DRAXIN: variants seen among roughly 807,000 people sequenced by gnomAD.
DRAXIN encodes the protein dorsal repulsive axon guidance protein.
In DRAXIN, 27 loss-of-function variants were observed where a neutral mutation model predicts 33.9. The observed-to-expected ratio is 0.80, with a 90% CI of 0.59 to 1.10. The LOEUF (loss-of-function observed/expected upper bound fraction) is 1.10, where lower values mean the gene tolerates loss of function less well. Among genes scored for constraint, DRAXIN ranks in the 50% least tolerant of loss-of-function variants. The probability of loss-of-function intolerance (pLI) is 0.00; values close to 1 mark genes in which losing one functional copy is unlikely to be tolerated. For synonymous variants in DRAXIN, 178 were observed against 194.0 expected, an observed-to-expected ratio of 0.92 and a Z score of 0.69; for missense variants, 371 against 460.8, an observed-to-expected ratio of 0.81 and a Z score of 1.78.
rs181460962 is a variant in DRAXIN, at chr1:11,702,122, T to C, written c.-10-4127T>C. ...TCACACACGCGAGTTCACACACACA[T>C]GCTCACACTCATACGTACACGCCCA... is the stretch of plus-strand genomic sequence containing the variant. On this transcript the variant is annotated intron_variant, in intron 1 of 6. Coordinates refer to ENST00000294485, the MANE Select transcript of DRAXIN (RefSeq NM_198545.4). 8.6e-5 allele frequency among the ~76,000 whole-genome samples: 12 copies of C among 139,034 alleles called. No homozygotes were observed. The East Asian group carries it at 2.2e-3, about 26-fold the overall frequency. 91.2% of individuals were successfully genotyped at this position (139,034 alleles called of 152,430 possible).
chr1:11,690,646 G>A (rs542008105), upstream of DRAXIN, among the ~76,000 whole-genome samples: 7 of 152,270 alleles, frequency 4.6e-5, no homozygotes, highest in South Asian at 1.5e-3. This position sits in a 1 kb window ranked among gnomAD's most constrained non-coding sequence, Gnocchi z 4.2. Flanking sequence ...GCCACCTGGC[G>A]AGCTCAGGGC....
At chr1:11,697,752 G>T (rs1261854408) in intron 1 of DRAXIN, among the ~76,000 whole-genome samples, 1 of 152,178 alleles carries the variant, frequency 6.6e-6, no homozygotes, top group African/African-American at 2.4e-5. Context: ...TCGCAAGGAG[G>T]CAGCAGTCCC....
At chr1:11,707,769 T>G (rs561122012) in intron 2 of DRAXIN, among the ~76,000 whole-genome samples, 14 of 152,154 alleles carry the variant, frequency 9.2e-5, no homozygotes, top group Non-Finnish European at 1.9e-4. Flanking sequence ...GCTAGCCCCC[T>G]GCTGGCCCAG....
chr1:11,708,638 A>G (rs1641427759), intron 2 of DRAXIN, among the ~76,000 whole-genome samples: 1 of 152,158 alleles, frequency 6.6e-6, no homozygotes, highest in South Asian at 2.1e-4. Flanking sequence ...TCCTTGCGTG[A>G]GTCACCTAAC....
In DRAXIN at chr1:11,707,437, C is replaced by T. The variant is rs531818055; in HGVS notation, c.451+728C>T. ...TCCTGCCTCCACCACTAGGGTGTGG[C>T]CCTGGGCAAGTTCTCTTTCTGTGCC... On this transcript the variant is annotated intron_variant, in intron 2 of 6. Transcript: ENST00000294485. Among the ~76,000 whole-genome samples the T allele has an allele frequency of 1.2e-4, 19 of 152,314 alleles. No individual in the cohort carries two copies. In the East Asian group the frequency reaches 3.1e-3, roughly 25 times the overall value.
rs548878383 is a variant in DRAXIN at position 11,706,114 on chromosome 1, C to T, written c.-10-135C>T. Reference sequence around the variant, plus strand: ...AGTTTTGACAACTAAAATATGTCTTCGGGCATTGCCAAATGTCACTGGGAG... The same window carrying T: ...AGTTTTGACAACTAAAATATGTCTTTGGGCATTGCCAAATGTCACTGGGAG... On this transcript the variant is annotated intron_variant, in intron 1 of 6. Transcript: ENST00000294485. The surrounding 1 kb of genome is among the most constrained non-coding windows in gnomAD (Gnocchi z 5.5). The T allele has an allele frequency of 2.1e-5, 18 of 850,556 alleles. No individual in the cohort carries two copies. Among genetic ancestry groups the T allele is most frequent in the African/African-American group, 1.9e-4 (11 of 58,500 alleles). The allele number at this position is 850,556 out of a possible 1,614,324, so 52.7% of individuals were successfully genotyped here.
chr1:11,693,597 C>A (rs1557685210), intron 1 of DRAXIN, among the ~76,000 whole-genome samples: 1 of 152,180 alleles, frequency 6.6e-6, no homozygotes, highest in Non-Finnish European at 1.5e-5. Flanking sequence ...CAACTGGAAC[C>A]TTTCTCTTTA....
chr1:11,709,274 G>C lies in DRAXIN; in HGVS notation c.452-1G>C, dbSNP rs756451929. ...CCCGTGCTCCCCACCCTGTGTCTCA[G>C]GCCGAGCCTTGGTCCGAGGTCCCAG... On this transcript the variant is annotated splice_acceptor_variant, in intron 2 of 6. Transcript: ENST00000294485. LOFTEE classifies it high-confidence loss of function. The C allele has an allele frequency of 4.5e-5, 73 of 1,609,690 alleles. No homozygotes were observed. Among genetic ancestry groups the C allele is most frequent in the Admixed American group, 2.3e-4 (14 of 59,606 alleles).
rs1477796916 is a variant in DRAXIN, at chr1:11,720,376, T to TGA, written c.*682_*683dup. ...GGGAGGCCAAGGCGGGTGGCTCACC[T>TGA]GAGGTCAGGAGTTCGAGACCAGCCT... On this transcript the variant is annotated 3_prime_UTR_variant, in exon 7 of 7. Transcript: ENST00000294485. 6.6e-6 allele frequency: 1 copy of TGA among 152,332 alleles called. No individual in the cohort carries two copies. Among genetic ancestry groups the TGA allele is most frequent in the Non-Finnish European group, 1.5e-5 (1 of 68,130 alleles). The allele number at this position is 152,332 out of a possible 1,614,324, so 9.4% of individuals were successfully genotyped here. A position where few individuals can be genotyped will look rare whatever the true frequency, so the allele number is the denominator to read the frequency against.
chr1:11,687,454 G>A (rs984582001), upstream of DRAXIN, among the ~76,000 whole-genome samples: 1 of 152,174 alleles, frequency 6.6e-6, no homozygotes, highest in Non-Finnish European at 1.5e-5. This position sits in a 1 kb window ranked among gnomAD's most constrained non-coding sequence, Gnocchi z 4.1. Context: ...TGGCCAGGCT[G>A]GTCTCGAACT....
upstream of DRAXIN, among the ~76,000 whole-genome samples, chr1:11,690,455 C>A (rs9430208): frequency 0.39 from 59,409 of 152,022 alleles, 13,662 homozygotes; most frequent in African/African-American, 0.66. The surrounding 1 kb of genome is among the most constrained non-coding windows in gnomAD (Gnocchi z 4.2). Context: ...ACTGCATTCA[C>A]GCCTAGAACA....
chr1:11,723,698 T>G lies in DRAXIN; in HGVS notation c.*4002T>G, dbSNP rs1357912574. 1 of 152,064 alleles carries G rather than the reference T, an allele frequency of 6.6e-6. No individual in the cohort carries two copies. The highest frequency in any genetic ancestry group is 2.4e-5 in the African/African-American group (1 of 41,370). The allele number at this position is 152,064 out of a possible 1,614,324, so 9.4% of individuals were successfully genotyped here. A position where few individuals can be genotyped will look rare whatever the true frequency, so the allele number is the denominator to read the frequency against. On this transcript the variant is annotated 3_prime_UTR_variant, in exon 7 of 7. Coordinates refer to ENST00000294485, the MANE Select transcript of DRAXIN (RefSeq NM_198545.4). The stretch of plus-strand genomic sequence containing the variant: ...ACCTCTGCCTCCTGGGTACAAGTGA[T>G]TCTCCCGCCTCAGCCTCTCGCGTAC...
rs1020582967 is a variant in DRAXIN at position 11,705,287 on chromosome 1, G to A, written c.-10-962G>A. ...GAGGGGTGCGTGGGGGAGCAGCTGC[G>A]GGTGGTGCACGGGGGCAGGAGGTCT... On this transcript the variant is annotated intron_variant, in intron 1 of 6. Transcript: ENST00000294485. This position sits in a 1 kb window ranked among gnomAD's most constrained non-coding sequence, Gnocchi z 4.8. 6.6e-6 allele frequency among the ~76,000 whole-genome samples: 1 copy of A among 152,148 alleles called. No individual in the cohort carries two copies. Among genetic ancestry groups the A allele is most frequent in the Non-Finnish European group, 1.5e-5 (1 of 68,014 alleles).
At chr1:11,708,381 C>A (rs1641423913) in intron 2 of DRAXIN, among the ~76,000 whole-genome samples, 1 of 152,210 alleles carries the variant, frequency 6.6e-6, no homozygotes, top group South Asian at 2.1e-4. Context: ...GGAGGCTGGG[C>A]AGGCAGATCA....
At chr1:11,693,262 T>C (rs1388490437) in intron 1 of DRAXIN, among the ~76,000 whole-genome samples, 2 of 152,012 alleles carry the variant, frequency 1.3e-5, no homozygotes, top group African/African-American at 4.8e-5. Context: ...CAACAACTGA[T>C]CACCCATCAG....
chr1:11,719,843 G>A lies in DRAXIN; in HGVS notation c.*147G>A. The A allele has an allele frequency of 1.3e-6, 1 of 749,438 alleles. No individual in the cohort carries two copies. Among genetic ancestry groups the A allele is most frequent in the Non-Finnish European group, 2.2e-6 (1 of 451,986 alleles). 46.4% of individuals were successfully genotyped at this position (749,438 alleles called of 1,614,324 possible). On this transcript the variant is annotated 3_prime_UTR_variant, in exon 7 of 7. Coordinates refer to ENST00000294485, the MANE Select transcript of DRAXIN (RefSeq NM_198545.4). Reference sequence around the variant, plus strand: ...GACACTCAACCCCAGGAGGGGAGCCGCTCGGCGAATGAGCTGGGTGGGTGC... The same window carrying A: ...GACACTCAACCCCAGGAGGGGAGCCACTCGGCGAATGAGCTGGGTGGGTGC...
chr1:11,709,211 T>G (rs1295404493), intron 2 of DRAXIN, 64 bp from the exon 3 acceptor site: 1 of 1,496,620 alleles, frequency 6.7e-7, no homozygotes, highest in Non-Finnish European at 8.9e-7. Context: ...ACGTGGGTTC[T>G]ACTGTAGACT....
chr1:11,703,122 G>C (rs991522910), intron 1 of DRAXIN, among the ~76,000 whole-genome samples: 25 of 152,240 alleles, frequency 1.6e-4, no homozygotes, highest in African/African-American at 5.5e-4. Context: ...CAGGGCCCTG[G>C]AGGGGCCGCA....
Position 11,722,521 on chromosome 1 carries a change from T to G in DRAXIN, c.*2825T>G, listed in dbSNP as rs1041658364. ...CAGAGCTGGGAATCCCAAAGCCCTCTCAAGTGTCTAACCAACCTCTCTGCC... is the reference window on the plus strand; with the variant it reads ...CAGAGCTGGGAATCCCAAAGCCCTCGCAAGTGTCTAACCAACCTCTCTGCC... On this transcript the variant is annotated 3_prime_UTR_variant, in exon 7 of 7. Coordinates refer to ENST00000294485, the MANE Select transcript of DRAXIN (RefSeq NM_198545.4). 7.2e-4 allele frequency: 109 copies of G among 152,348 alleles called. No individual in the cohort carries two copies. The highest frequency in any genetic ancestry group is 2.5e-3 in the African/African-American group (106 of 41,576). The allele number at this position is 152,348 out of a possible 1,614,324, so 9.4% of individuals were successfully genotyped here. A position where few individuals can be genotyped will look rare whatever the true frequency, so the allele number is the denominator to read the frequency against.
Sources: gnomAD v4.1 joint callset for allele counts (sites outside exome capture counted in the v4.1 genomes callset) on GRCh38, gnomAD v4.1.1 for gene constraint, Gnocchi (gnomAD v3.1) non-coding constraint, MANE v1.5 for transcripts, NCBI Gene and HGNC (gene_info 2026-07-23, HGNC 2026-07-21) for gene names.